Variants in VDAC1 observed in about 807,000 individuals in gnomAD.
The protein encoded by VDAC1 is voltage dependent anion channel 1, also known as non-selective voltage-gated ion channel VDAC1.
A neutral mutation model predicts 34.7 loss-of-function variants in VDAC1; 10 were observed. The ratio of observed to expected loss-of-function variants is 0.29; its 90% CI spans 0.18 to 0.49. The LOEUF (loss-of-function observed/expected upper bound fraction) is 0.49, where lower values mean the gene tolerates loss of function less well. Ranked by LOEUF, VDAC1 falls within the 20% of genes least tolerant of loss-of-function variation. The pLI is 0.99. For synonymous variants in VDAC1, 130 were observed against 136.0 expected (o/e 0.96, Z 0.30); for missense variants, 230 against 347.9 (o/e 0.66, Z 2.69).
At chr5:133,976,131 C>A in intron 6 of VDAC1, 110 bp from the exon 7 acceptor site, 2 of 1,332,820 alleles carry the variant, frequency 1.5e-6, no homozygotes, top group Non-Finnish European at 2.1e-6. Context: ...TGGACTGAAC[C>A]AATACTGGTA....
At chr5:134,043,225 C>T in the VDAC1 span, among the ~76,000 whole-genome samples, 35 of 152,338 alleles carry the variant, frequency 2.3e-4, no homozygotes, top group Non-Finnish European at 4.4e-4. Context: ...GAGATGCTCT[C>T]CTCTGAGTGA....
At chr5:134,020,222 T>G in the VDAC1 span, among the ~76,000 whole-genome samples, 1 of 151,944 alleles carries the variant, frequency 6.6e-6, no homozygotes, top group Non-Finnish European at 1.5e-5. Context: ...AGAGCCAGCA[T>G]AGTCAGAGGC....
the VDAC1 span, among the ~76,000 whole-genome samples, chr5:134,043,291 A>G: frequency 5.3e-5 from 8 of 152,308 alleles, no homozygotes; most frequent in South Asian, 2.1e-4. Context: ...GAGCTTCACA[A>G]CTATCCAGGA....
At chr5:134,076,170 G>T in the VDAC1 span, among the ~76,000 whole-genome samples, 5 of 152,166 alleles carry the variant, frequency 3.3e-5, no homozygotes, top group South Asian at 1.0e-3. Context: ...GTAGAGACAG[G>T]ATTGCACCAC....
the VDAC1 span, among the ~76,000 whole-genome samples, chr5:134,087,081 C>T: frequency 6.6e-6 from 1 of 152,118 alleles, no homozygotes; most frequent in Non-Finnish European, 1.5e-5. Flanking sequence ...GAGAATGCCT[C>T]CACTGCCTTT....
intron 1 of VDAC1, among the ~76,000 whole-genome samples, chr5:133,994,670 G>A (rs150838692): frequency 9.2e-5 from 14 of 152,222 alleles, no homozygotes; most frequent in African/African-American, 3.4e-4. Context: ...CTTCCTAGGA[G>A]AACAACTCTG....
chr5:134,103,462 T>C, the VDAC1 span, among the ~76,000 whole-genome samples: 1 of 152,144 alleles, frequency 6.6e-6, no homozygotes, highest in Non-Finnish European at 1.5e-5. Context: ...ACACCGTTGT[T>C]TCTCTGGGTG....
the VDAC1 span, among the ~76,000 whole-genome samples, chr5:134,045,311 C>T: frequency 1.3e-5 from 2 of 152,216 alleles, no homozygotes. Context: ...AGTGTATCAG[C>T]TTCCTACTGC....
chr5:134,081,490 A>G, the VDAC1 span, among the ~76,000 whole-genome samples: 1 of 152,214 alleles, frequency 6.6e-6, no homozygotes, highest in East Asian at 1.9e-4. Flanking sequence ...AAACAACACA[A>G]TTTAGTACCA....
chr5:134,064,754 A>G, the VDAC1 span, among the ~76,000 whole-genome samples: 1 of 148,204 alleles, frequency 6.7e-6, no homozygotes, highest in Non-Finnish European at 1.5e-5. Context: ...GTCTGGCTCT[A>G]TCACCCAGGC....
At chr5:134,089,193 G>A in the VDAC1 span, among the ~76,000 whole-genome samples, 2 of 152,204 alleles carry the variant, frequency 1.3e-5, no homozygotes, top group African/African-American at 2.4e-5. Flanking sequence ...GCTCCCAACC[G>A]TCTCTGCAAA....
chr5:134,088,991 C>G, the VDAC1 span, among the ~76,000 whole-genome samples: 1 of 152,222 alleles, frequency 6.6e-6, no homozygotes, highest in African/African-American at 2.4e-5. Context: ...ATCATCATGG[C>G]AGCTGGCCCC....
At chr5:133,977,049 A>G (rs1249042701) in intron 6 of VDAC1, among the ~76,000 whole-genome samples, 1 of 152,236 alleles carries the variant, frequency 6.6e-6, no homozygotes, top group African/African-American at 2.4e-5. Context: ...GGCTCAAAAA[A>G]TAAAAGTAAA....
At chr5:133,979,971 T>C (rs901061669) in intron 6 of VDAC1, among the ~76,000 whole-genome samples, 2 of 152,220 alleles carry the variant, frequency 1.3e-5, no homozygotes, top group Admixed American at 1.3e-4. Context: ...AAAAAATTTA[T>C]TAATGGAAAT....
At chr5:133,975,799 C>A in intron 7 of VDAC1, 72 bp downstream of exon 7, 1 of 1,585,780 alleles carries the variant, frequency 6.3e-7, no homozygotes, top group Non-Finnish European at 8.6e-7. Flanking sequence ...AGCACTCCAG[C>A]AAACCTGAAG....
chr5:133,991,804 A>T (rs1186052785), intron 3 of VDAC1, among the ~76,000 whole-genome samples: 1 of 152,084 alleles, frequency 6.6e-6, no homozygotes. Context: ...TTATTTGTTG[A>T]TCTACAACAA....
the VDAC1 span, among the ~76,000 whole-genome samples, chr5:134,020,332 G>A: frequency 6.6e-6 from 1 of 151,696 alleles, no homozygotes; most frequent in South Asian, 2.1e-4. Context: ...GTTCTTCCAC[G>A]ACTCCCCCGC....
the VDAC1 span, among the ~76,000 whole-genome samples, chr5:134,050,588 A>C: frequency 6.6e-6 from 1 of 152,210 alleles, no homozygotes; most frequent in African/African-American, 2.4e-5. Context: ...TCTTCTCCAC[A>C]TTAATGACTT....
chr5:134,085,353 CCACCGCG>C, the VDAC1 span, among the ~76,000 whole-genome samples: 4 of 151,726 alleles, frequency 2.6e-5, no homozygotes, highest in Admixed American at 2.6e-4. Flanking sequence ...CAGGCGTGAG[CCACCGCG>C]TGTGGCCCGA....
Sources: gnomAD v4.1 joint callset for allele counts (sites outside exome capture counted in the v4.1 genomes callset) on GRCh38, gnomAD v4.1.1 for gene constraint, MANE v1.5 for transcripts, NCBI Gene and HGNC (gene_info 2026-07-23, HGNC 2026-07-21) for gene names.